Variants in ANK2 observed in about 807,000 individuals in gnomAD.
ANK2 encodes the protein ankyrin 2, also known as ankyrin-2.
Under a neutral mutation model 360.5 loss-of-function variants are expected in ANK2, and 83 were observed. The observed-to-expected ratio is 0.23, with a 90% CI of 0.19 to 0.28. The LOEUF (loss-of-function observed/expected upper bound fraction) is 0.28. Ranked by LOEUF, ANK2 falls within the 10% of genes least tolerant of loss-of-function variation. The pLI is 1.00. For missense variants in ANK2, 4,201 were observed against 4,795.7 expected (o/e 0.88, Z 3.66); for synonymous variants, 1,740 against 1,759.5 (o/e 0.99, Z 0.28).
At chr4:113,198,944 C>T (rs2098790714) in intron 3 of ANK2, 67 bp from the exon 4 acceptor site, 2 of 1,296,838 alleles carry the variant, frequency 1.5e-6, no homozygotes, top group Non-Finnish European at 2.2e-6. Flanking sequence ...TGAAAAATGC[C>T]TGCACATTTT....
At chr4:113,000,888 G>C (rs2050371248) in intron 2 of ANK2, among the ~76,000 whole-genome samples, 1 of 91,188 alleles carries the variant, frequency 1.1e-5, no homozygotes, top group Non-Finnish European at 2.4e-5. Flanking sequence ...ATTATCACCA[G>C]ATAATGACTA....
At position 113,355,706 on chromosome 4, in the gene ANK2, C is replaced by T. The variant is rs779773337; in HGVS notation, c.7088C>T (p.Thr2363Ile). 2 of 1,614,148 alleles carry T rather than the reference C, an allele frequency of 1.2e-6. No homozygotes were observed. Among genetic ancestry groups the T allele is most frequent in the Non-Finnish European group, 1.7e-6 (2 of 1,180,004 alleles). Residue 2363 changes from threonine to isoleucine, a missense_variant, in exon 38 of 46, where the codon ACA (threonine) becomes ATA (isoleucine). By Grantham distance (89) the Thr-to-Ile change is moderately conservative. Around this residue, in one of 4 missense-constraint regions of ANK2, gnomAD observed 2,642 missense variants for 2,714.5 expected, o/e 0.97. Transcript: ENST00000357077. ...ACCTTTGGTAGTTCAGCCCACAAGA[C>T]ACAAACTGATAGTGAGGTTCAAGAA... ...QRTFGSSAHK[T>I]QTDSEVQEST...
At chr4:112,981,572 C>T (rs1236824658) in intron 2 of ANK2, among the ~76,000 whole-genome samples, 3 of 152,032 alleles carry the variant, frequency 2.0e-5, no homozygotes, top group African/African-American at 4.8e-5. Context: ...GTTGAGAGGA[C>T]GAGTAGGGTG....
intron 1 of ANK2, among the ~76,000 whole-genome samples, chr4:112,886,923 A>G (rs552507916): frequency 1.1e-4 from 17 of 152,324 alleles, no homozygotes; most frequent in African/African-American, 4.1e-4. Context: ...AGAAACTGAG[A>G]TGACCTAGAT....
the ANK2 span, among the ~76,000 whole-genome samples, chr4:112,775,248 G>T: frequency 6.6e-6 from 1 of 152,162 alleles, no homozygotes; most frequent in African/African-American, 2.4e-5. Flanking sequence ...ACCAAAGGCG[G>T]TGGCTTATGC....
chr4:112,889,564 CTT>C (rs376874100), intron 1 of ANK2, among the ~76,000 whole-genome samples: 3 of 145,796 alleles, frequency 2.1e-5, no homozygotes, highest in East Asian at 4.0e-4. Context: ...TTTCCTTGTT[CTT>C]TTTTTTTTGA....
In ANK2 at chr4:112,904,336, TGAA is replaced by T. The variant is rs1419730361; in HGVS notation, c.-39-115_-39-113del. On this transcript the variant is annotated intron_variant, in intron 1 of 30. Coordinates refer to the ANK2 transcript ENST00000503271. ...CATTTATAATAGTGGCTTTTTAAAA[TGAA>T]GAACTCCATCAGTGCCTCCTATAAG... The T allele has an allele frequency of 7.7e-6, 4 of 518,534 alleles. No homozygotes were observed. The African/African-American group carries it at 8.1e-5, about 10-fold the overall frequency. The allele number at this position is 518,534 out of a possible 1,614,324, so 32.1% of individuals were successfully genotyped here. A position where few individuals can be genotyped will look rare whatever the true frequency, so the allele number is the denominator to read the frequency against.
chr4:113,063,435 A>G (rs1479286966), intron 1 of ANK2, among the ~76,000 whole-genome samples: 1 of 152,116 alleles, frequency 6.6e-6, no homozygotes, highest in East Asian at 1.9e-4. Context: ...CATTTCTTTA[A>G]TGATGTGCAT....
At chr4:113,150,269 C>G (rs573413552) in intron 1 of ANK2, among the ~76,000 whole-genome samples, 10 of 152,308 alleles carry the variant, frequency 6.6e-5, no homozygotes, top group Non-Finnish European at 1.3e-4. Context: ...TCCCAGCCTA[C>G]TCCCATCCTC....
chr4:113,162,751 T>A (rs200740904), intron 1 of ANK2, among the ~76,000 whole-genome samples: 24 of 134,096 alleles, frequency 1.8e-4, no homozygotes, highest in East Asian at 4.3e-4. Flanking sequence ...TTTTTTTTTT[T>A]AAACTTCAAA....
chr4:113,055,234 A>G (rs1448250322), intron 1 of ANK2, among the ~76,000 whole-genome samples: 1 of 152,152 alleles, frequency 6.6e-6, no homozygotes, highest in African/African-American at 2.4e-5. Context: ...ATCTAAAAAA[A>G]TAAATAAAAA....
intron 23 of ANK2, among the ~76,000 whole-genome samples, chr4:113,304,486 C>T (rs1324433462): frequency 3.9e-5 from 6 of 152,122 alleles, no homozygotes; most frequent in Admixed American, 2.0e-4. Flanking sequence ...ATTGTTTGTA[C>T]TGTTAATGAT....
intron 1 of ANK2, among the ~76,000 whole-genome samples, chr4:113,157,410 T>G (rs2097342706): frequency 6.6e-6 from 1 of 152,244 alleles, no homozygotes; most frequent in Admixed American, 6.5e-5. Flanking sequence ...AAAAAATTTT[T>G]TTCTTTGCAT....
chr4:112,854,772 G>A (rs1389046109), intron 1 of ANK2, among the ~76,000 whole-genome samples: 1 of 152,138 alleles, frequency 6.6e-6, no homozygotes, highest in Non-Finnish European at 1.5e-5. Flanking sequence ...TCAGGGTTTG[G>A]CTGAGGACTG....
At position 113,356,230 on chromosome 4, in the gene ANK2, C is replaced by T. The variant is rs1335748083; in HGVS notation, c.7612C>T (p.Pro2538Ser). Residue 2538 changes from proline to serine, a missense_variant, in exon 38 of 46, where the codon CCT (proline) becomes TCT (serine). This residue lies in a region of ANK2 where 2,642 missense variants were observed against 2,714.5 expected (regional missense o/e 0.97). Coordinates refer to ENST00000357077, the MANE Select transcript of ANK2 (RefSeq NM_001148.6). ...MESSGKSPLS[P>S]DTPSSEEVSY... ...GAGCTCAGGGAAGAGCCCCCTTTCT[C>T]CTGACACCCCCAGCTCTGAAGAAGT... 1.2e-6 allele frequency: 2 copies of T among 1,613,970 alleles called. No homozygotes were observed. The highest frequency in any genetic ancestry group is 1.7e-6 in the Non-Finnish European group (2 of 1,179,960).
intron 1 of ANK2, among the ~76,000 whole-genome samples, chr4:113,102,281 A>C (rs1045140024): frequency 6.6e-6 from 1 of 151,974 alleles, no homozygotes; most frequent in East Asian, 1.9e-4. Context: ...AATGTGGACA[A>C]CTCCCAGGTG....
chr4:113,049,812 G>T lies in ANK2; in HGVS notation c.84G>T (p.Lys28Asn). 6.2e-7 allele frequency: 1 copy of T among 1,613,538 alleles called. No individual in the cohort carries two copies. Among genetic ancestry groups the T allele is most frequent in the South Asian group, 1.1e-5 (1 of 91,050 alleles). Reference sequence around the variant, plus strand: ...GTCAGAGGAGAAAAAGACCCAAGAAGGTAAATCGCCGGAATTAGGAATGTC... The same window carrying T: ...GTCAGAGGAGAAAAAGACCCAAGAATGTAAATCGCCGGAATTAGGAATGTC... ...GSSQRRKRPKKSDSNASFLRA... is the reference protein window; with the variant it reads ...GSSQRRKRPKNSDSNASFLRA... The change falls in exon 1 of 46, where the codon AAG (lysine) becomes AAT (asparagine). Residue 28 changes from lysine to asparagine, a missense_variant and splice_region_variant. Transcript: ENST00000357077.
At chr4:113,207,098 A>G (rs78739527) in intron 4 of ANK2, among the ~76,000 whole-genome samples, 7,873 of 149,644 alleles carry the variant, frequency 0.053, 671 homozygotes, top group African/African-American at 0.18. Flanking sequence ...ACTACTCTAC[A>G]AAGCGTGCAC....
At chr4:113,145,982 C>T (rs550142822) in intron 1 of ANK2, 131 of 1,289,532 alleles carry the variant, frequency 1.0e-4, no homozygotes, top group Admixed American at 3.7e-4. Flanking sequence ...ACAGTGAGGA[C>T]GTCAAAGAAC....
Sources: gnomAD v4.1 joint callset for allele counts (sites outside exome capture counted in the v4.1 genomes callset) on GRCh38, gnomAD v4.1.1 for gene constraint, gnomAD v4.1.1 regional missense constraint, MANE v1.5 for transcripts, NCBI Gene and HGNC (gene_info 2026-07-23, HGNC 2026-07-21) for gene names.